DEAF1: variants seen among roughly 807,000 people sequenced by gnomAD.
The protein encoded by DEAF1 is DEAF1 transcription factor, also known as deformed epidermal autoregulatory factor 1 homolog.
A neutral mutation model predicts 58.9 loss-of-function variants in DEAF1; 53 were observed. That is an observed-to-expected ratio of 0.90 (90% CI 0.72 to 1.13). DEAF1 has a LOEUF of 1.13. Among genes scored for constraint, DEAF1 ranks in the 50% most tolerant of loss-of-function variants. The pLI is 0.00. For missense variants in DEAF1, 685 were observed against 791.4 expected, an observed-to-expected ratio of 0.87 and a Z score of 1.61; for synonymous variants, 385 against 340.4, an observed-to-expected ratio of 1.13 and a Z score of -1.44.
rs1424196873 is a variant in DEAF1, at chr11:665,201, C to T, written c.1503+9335G>A. On this transcript the variant is annotated intron_variant, in intron 10 of 11. Transcript: ENST00000382409. ...GAGGAGAAGGACAGGGTGTCACACT[C>T]GGTCACTCTAAGTAAGTCCTGGCTC... Among the ~76,000 whole-genome samples the T allele has an allele frequency of 2.4e-5, 3 of 125,548 alleles. 1 individual carries two copies. Among genetic ancestry groups the T allele is most frequent in the African/African-American group, 5.7e-5 (2 of 35,004 alleles). The allele number at this position is 125,548 out of a possible 152,430, so 82.4% of individuals were successfully genotyped here.
intron 10 of DEAF1, chr11:654,522 C>T: frequency 2.2e-6 from 1 of 455,376 alleles, no homozygotes; most frequent in Admixed American, 2.4e-5. Context: ...TTCTTGTCAC[C>T]TCCAGAATCA....
chr11:687,405 T>G (rs1326567682), intron 4 of DEAF1, among the ~76,000 whole-genome samples: 1 of 152,270 alleles, frequency 6.6e-6, no homozygotes, highest in African/African-American at 2.4e-5. Context: ...AGATGGTTCC[T>G]GGGCGCAGCC....
At chr11:695,855 G>A (rs1218305805), upstream of DEAF1, 3 of 1,228,594 alleles carry the variant, frequency 2.4e-6, no homozygotes, top group Non-Finnish European at 3.0e-6. Flanking sequence ...AGGTGAGCTC[G>A]GGCGGGGTGG....
In DEAF1 at chr11:695,001, G is replaced by GCCT. The variant is rs1374637846; in HGVS notation, c.44_46dup (p.Glu15dup). Reference sequence around the variant, plus strand: ...AGCGGCCGCGGCCGCCACCGCCGCCGCCTCAGCCAGGCCCAGCTGCTTTGC... The same window carrying GCCT: ...AGCGGCCGCGGCCGCCACCGCCGCCGCCTCCTCAGCCAGGCCCAGCTGCTTTGC... On this transcript the variant is annotated inframe_insertion, in exon 1 of 12. Transcript: ENST00000382409. The GCCT allele has an allele frequency of 2.5e-6, 3 of 1,219,986 alleles. No individual in the cohort carries two copies. The highest frequency in any genetic ancestry group is 3.1e-6 in the Non-Finnish European group (3 of 979,390). 75.6% of individuals were successfully genotyped at this position (1,219,986 alleles called of 1,614,324 possible).
At chr11:674,830 C>G in intron 9 of DEAF1, 47 bp from the exon 10 acceptor site, 1 of 1,601,704 alleles carries the variant, frequency 6.2e-7, no homozygotes, top group Non-Finnish European at 8.5e-7. Context: ...AATACATCTC[C>G]TAGCTTCAAA....
chr11:669,762 T>C (rs1355612575), intron 10 of DEAF1, among the ~76,000 whole-genome samples: 1 of 150,758 alleles, frequency 6.6e-6, no homozygotes, highest in Non-Finnish European at 1.5e-5. Flanking sequence ...AAACCTCGTC[T>C]CTACTTAAAA....
chr11:695,537 C>T (rs1354903746), upstream of DEAF1: 2 of 1,159,264 alleles, frequency 1.7e-6, no homozygotes, highest in African/African-American at 1.6e-5. Context: ...GGGTTTCGCC[C>T]GTTCCCGCCG....
intron 1 of DEAF1, chr11:703,129 C>G: frequency 6.2e-7 from 1 of 1,608,780 alleles, no homozygotes; most frequent in African/African-American, 1.3e-5. Flanking sequence ...AGGTGGTTGC[C>G]ATCGCGGCCT....
upstream of DEAF1, chr11:697,545 A>AG (rs1861255997): frequency 6.6e-6 from 1 of 152,226 alleles, no homozygotes; most frequent in Non-Finnish European, 1.5e-5. Context: ...GCTTTTATAC[A>AG]GTTTTTCCCC....
At chr11:678,261 G>A (rs563990156) in intron 9 of DEAF1, 1 of 248,862 alleles carries the variant, frequency 4.0e-6, no homozygotes, top group East Asian at 1.1e-4. Flanking sequence ...TGCATTTACA[G>A]TGTATCGTCA....
At chr11:695,535 C>A, upstream of DEAF1, 1 of 1,153,736 alleles carries the variant, frequency 8.7e-7, no homozygotes, top group Non-Finnish European at 1.1e-6. Context: ...GCGGGTTTCG[C>A]CCGTTCCCGC....
intron 1 of DEAF1, among the ~76,000 whole-genome samples, chr11:701,571 C>T (rs1029983243): frequency 2.0e-5 from 3 of 151,998 alleles, no homozygotes; most frequent in Non-Finnish European, 4.4e-5. Flanking sequence ...CCACCACGCC[C>T]GGCTCATTTT....
chr11:661,978 C>T (rs940381762), intron 10 of DEAF1, among the ~76,000 whole-genome samples: 2 of 152,162 alleles, frequency 1.3e-5, no homozygotes, highest in African/African-American at 4.8e-5. Flanking sequence ...TTGCATGAGG[C>T]CCAACACACA....
chr11:698,833 C>T (rs1410720187), upstream of DEAF1: 4 of 1,613,830 alleles, frequency 2.5e-6, no homozygotes, highest in Non-Finnish European at 3.4e-6. Flanking sequence ...ATCCTGGTGG[C>T]TGTCAGGCCT....
At chr11:657,476 C>A (rs1859111545) in intron 10 of DEAF1, among the ~76,000 whole-genome samples, 1 of 152,184 alleles carries the variant, frequency 6.6e-6, no homozygotes, top group African/African-American at 2.4e-5. Context: ...ATGAGCCCAT[C>A]CGGATACAAA....
chr11:700,626 A>G (rs781760079), intron 1 of DEAF1: 49 of 1,613,688 alleles, frequency 3.0e-5, no homozygotes, highest in Non-Finnish European at 3.7e-5. Flanking sequence ...TCAGGTGTTC[A>G]GCTATCCTCA....
chr11:654,076 G>C, intron 10 of DEAF1, 25 bp from the exon 11 acceptor site: 2 of 1,602,322 alleles, frequency 1.2e-6, no homozygotes, highest in Non-Finnish European at 1.7e-6. Context: ...CAACAGGCCA[G>C]TCAGTGACGT....
rs1197238509 is a variant in DEAF1, at chr11:694,893, G to T, written c.155C>A (p.Ala52Glu). 1.3e-6 allele frequency: 2 copies of T among 1,499,584 alleles called. No individual in the cohort carries two copies. Among genetic ancestry groups the T allele is most frequent in the Non-Finnish European group, 8.9e-7 (1 of 1,128,862 alleles). The allele number at this position is 1,499,584 out of a possible 1,614,324, so 92.9% of individuals were successfully genotyped here. ...LSRDEDSEEDADSEAERETPR... is the reference protein window; with the variant it reads ...LSRDEDSEEDEDSEAERETPR... Reference sequence around the variant, plus strand: ...CGTCTCCCGCTCCGCCTCCGAGTCTGCGTCCTCCTCCGAGTCCTCGTCCCT... The same window carrying T: ...CGTCTCCCGCTCCGCCTCCGAGTCTTCGTCCTCCTCCGAGTCCTCGTCCCT... Residue 52 changes from alanine (A) to glutamate (E), a missense_variant, in exon 1 of 12, where the codon GCA (alanine) becomes GAA (glutamate). Physicochemically the swap from Ala to Glu is moderately radical, Grantham distance 107. Transcript: ENST00000382409.
intron 9 of DEAF1, among the ~76,000 whole-genome samples, chr11:675,315 T>A (rs1860004837): frequency 6.6e-6 from 1 of 152,136 alleles, no homozygotes; most frequent in Non-Finnish European, 1.5e-5. Flanking sequence ...GCTCAGGAGT[T>A]CAAGACCAGC....
Sources: gnomAD v4.1 joint callset for allele counts (sites outside exome capture counted in the v4.1 genomes callset) on GRCh38, gnomAD v4.1.1 for gene constraint, MANE v1.5 for transcripts, NCBI Gene and HGNC (gene_info 2026-07-23, HGNC 2026-07-21) for gene names.